Variants in MBD5 observed in about 807,000 individuals in gnomAD.
MBD5 encodes methyl-CpG-binding domain protein 5.
In MBD5, 13 loss-of-function variants were observed where a neutral mutation model predicts 117.3. The observed-to-expected ratio is 0.11, with a 90% CI of 0.07 to 0.18. MBD5 has a LOEUF of 0.18. MBD5 is among the 10% of genes least tolerant of loss of function. The probability of loss-of-function intolerance (pLI) is 1.00; values close to 1 mark genes in which losing one functional copy is unlikely to be tolerated. For missense variants in MBD5, 1,879 were observed against 2,093.8 expected (o/e 0.90, Z 2.00); for synonymous variants, 727 against 766.4 (o/e 0.95, Z 0.85).
At chr2:148,435,231 C>G (rs1487160467) in intron 4 of MBD5, among the ~76,000 whole-genome samples, 1 of 152,074 alleles carries the variant, frequency 6.6e-6, no homozygotes, top group Non-Finnish European at 1.5e-5. Flanking sequence ...CCATTCTGTG[C>G]CTTTTAATTG....
At chr2:148,462,812 C>A (rs1305941038) in intron 6 of MBD5, 128 bp downstream of exon 6, 1 of 686,130 alleles carries the variant, frequency 1.5e-6, no homozygotes, top group South Asian at 1.7e-5. Context: ...TTATCTAATT[C>A]TCATATTTTG....
chr2:148,370,230 C>T (rs1287134337), intron 4 of MBD5, among the ~76,000 whole-genome samples: 1 of 151,960 alleles, frequency 6.6e-6, no homozygotes, highest in Non-Finnish European at 1.5e-5. Context: ...TCAAAATATC[C>T]TCAATTTTAA....
At chr2:148,374,385 A>G (rs77215226) in intron 4 of MBD5, among the ~76,000 whole-genome samples, 1,626 of 152,248 alleles carry the variant, frequency 0.011, 15 homozygotes, top group African/African-American at 0.034. Flanking sequence ...TGTGTCTTAC[A>G]TTGTAAAAGA....
intron 3 of MBD5, among the ~76,000 whole-genome samples, chr2:148,278,364 A>G (rs181162624): frequency 4.0e-4 from 61 of 152,226 alleles, no homozygotes; most frequent in African/African-American, 1.3e-3. Context: ...TTGTATATAT[A>G]TAGCTGATAG....
At chr2:148,398,552 G>A (rs1419256314) in intron 4 of MBD5, among the ~76,000 whole-genome samples, 1 of 152,090 alleles carries the variant, frequency 6.6e-6, no homozygotes, top group Non-Finnish European at 1.5e-5. Flanking sequence ...CTGGGTATTA[G>A]CCCTTTGTCA....
intron 3 of MBD5, among the ~76,000 whole-genome samples, chr2:148,267,071 A>G (rs1700876448): frequency 6.6e-6 from 1 of 152,186 alleles, no homozygotes; most frequent in African/African-American, 2.4e-5. Flanking sequence ...TATAAAGAAC[A>G]AAAAACATGC....
chr2:148,492,772 T>A (rs919233016), intron 11 of MBD5, among the ~76,000 whole-genome samples: 1 of 151,922 alleles, frequency 6.6e-6, no homozygotes, highest in African/African-American at 2.4e-5. Context: ...CAAACAGAGG[T>A]CTGTCTGACT....
intron 3 of MBD5, among the ~76,000 whole-genome samples, chr2:148,305,333 A>G (rs908442670): frequency 1.1e-4 from 17 of 152,202 alleles, no homozygotes; most frequent in Non-Finnish European, 2.1e-4. Flanking sequence ...TTAAATAATA[A>G]AAGTCCATTC....
chr2:148,214,479 C>T (rs150988336), intron 2 of MBD5, among the ~76,000 whole-genome samples: 1 of 152,308 alleles, frequency 6.6e-6, no homozygotes, highest in African/African-American at 2.4e-5. Context: ...AGTTTGCCAA[C>T]TTCTGCACTA....
At chr2:148,157,940 A>G (rs1313063158) in intron 1 of MBD5, among the ~76,000 whole-genome samples, 1 of 152,230 alleles carries the variant, frequency 6.6e-6, no homozygotes, top group African/African-American at 2.4e-5. Context: ...ATGTTTTAGA[A>G]CTAGATAGAG....
At chr2:148,228,853 A>G (rs975853384) in intron 2 of MBD5, among the ~76,000 whole-genome samples, 1 of 152,126 alleles carries the variant, frequency 6.6e-6, no homozygotes, top group African/African-American at 2.4e-5. Flanking sequence ...TGTATGTGTC[A>G]AGGAATTTAT....
chr2:148,465,932 TG>T (rs1007550899), intron 7 of MBD5, among the ~76,000 whole-genome samples: 4 of 152,162 alleles, frequency 2.6e-5, no homozygotes, highest in Admixed American at 2.6e-4. Flanking sequence ...CTAAAGACCC[TG>T]GCAGAATCTA....
Position 148,275,211 on chromosome 2 carries a change from A to G in MBD5, c.-680+41816A>G, listed in dbSNP as rs544123424. 2.0e-3 allele frequency among the ~76,000 whole-genome samples: 312 copies of G among 152,322 alleles called. 1 individual carries two copies. The highest frequency in any genetic ancestry group is 3.4e-3 in the Non-Finnish European group (230 of 68,020). ...GTCTCTTTTTTGACTGCATTTGAAT[A>G]AGCCCTTTGAGTATGAAAATTTATA... On this transcript the variant is annotated intron_variant, in intron 3 of 13. Coordinates refer to ENST00000642680, the MANE Select transcript of MBD5 (RefSeq NM_001378120.1).
chr2:148,468,218 A>C, intron 7 of MBD5, 123 bp from the exon 8 acceptor site: 1 of 732,754 alleles, frequency 1.4e-6, no homozygotes. Flanking sequence ...TTTTATTTAC[A>C]GATTCCTATT....
chr2:148,170,552 T>C (rs1453656514), intron 1 of MBD5, among the ~76,000 whole-genome samples: 2 of 152,232 alleles, frequency 1.3e-5, no homozygotes, highest in Non-Finnish European at 2.9e-5. Context: ...CTATGATTGG[T>C]TTCTGTTCAA....
intron 1 of MBD5, among the ~76,000 whole-genome samples, chr2:148,131,765 A>C (rs1478408157): frequency 6.6e-6 from 1 of 152,238 alleles, no homozygotes; most frequent in African/African-American, 2.4e-5. Flanking sequence ...TAGAAAAATT[A>C]TCTTAAATAT....
intron 2 of MBD5, among the ~76,000 whole-genome samples, chr2:148,202,474 T>C (rs1329191292): frequency 6.6e-6 from 1 of 151,992 alleles, no homozygotes; most frequent in Admixed American, 6.6e-5. Context: ...CAACAAGAAA[T>C]CTAGTCTGCT....
chr2:148,184,051 A>C (rs73009271), intron 2 of MBD5, among the ~76,000 whole-genome samples: 5,564 of 142,100 alleles, frequency 0.039, 286 homozygotes, highest in African/African-American at 0.12. Context: ...AGACCTTCTG[A>C]CTCTGTCACC....
chr2:148,119,677 A>G (rs1696720460), intron 1 of MBD5, among the ~76,000 whole-genome samples: 1 of 152,004 alleles, frequency 6.6e-6, no homozygotes, highest in Admixed American at 6.6e-5. Flanking sequence ...GTTAATTTTT[A>G]TGTATGGTGT....
Sources: allele counts gnomAD v4.1 joint callset (sites outside exome capture counted in the v4.1 genomes callset), GRCh38; gene constraint gnomAD v4.1.1; transcripts MANE v1.5; gene names NCBI Gene and HGNC (gene_info 2026-07-23, HGNC 2026-07-21).